The following DNAH11 variants were observed in gnomAD, a reference collection of about 807,000 sequenced individuals.
DNAH11 encodes the protein dynein axonemal heavy chain 11.
A neutral mutation model predicts 526.0 loss-of-function variants in DNAH11; 442 were observed. The observed-to-expected ratio is 0.84, with a 90% confidence interval of 0.78 to 0.91. The LOEUF (loss-of-function observed/expected upper bound fraction) is 0.91, where lower values mean the gene tolerates loss of function less well. Ranked by LOEUF, DNAH11 falls within the 40% of genes least tolerant of loss-of-function variation. The pLI is 0.00. For synonymous variants in DNAH11, 2,461 were observed against 1,935.9 expected (o/e 1.27, Z -7.12); for missense variants, 6,989 against 5,448.7 (o/e 1.28, Z -8.90).
chr7:21,690,674 A>G, intron 34 of DNAH11, 91 bp from the exon 35 acceptor site: 2 of 900,798 alleles, frequency 2.2e-6, no homozygotes, highest in South Asian at 1.6e-5. Context: ...CAGCTTCCTA[A>G]TAATTTGCAT....
intron 35 of DNAH11, among the ~76,000 whole-genome samples, chr7:21,691,348 G>T (rs1018603213): frequency 6.6e-6 from 1 of 151,672 alleles, no homozygotes; most frequent in East Asian, 1.9e-4. Context: ...AAGGGCTAGG[G>T]CTGGGGTGGG....
chr7:21,763,795 CA>C (rs752336699), intron 54 of DNAH11, among the ~76,000 whole-genome samples: 14,504 of 72,096 alleles, frequency 0.2, 957 homozygotes, highest in Middle Eastern at 0.31. Flanking sequence ...GCTATATATA[CA>C]TATACATATA....
chr7:21,775,805 G>A (rs1335576334), intron 56 of DNAH11, among the ~76,000 whole-genome samples: 3 of 152,106 alleles, frequency 2.0e-5, no homozygotes, highest in Non-Finnish European at 4.4e-5. Flanking sequence ...AGACGAGGAA[G>A]GAGCTCTGTT....
At chr7:21,696,162 A>G (rs1359777547) in intron 35 of DNAH11, among the ~76,000 whole-genome samples, 4 of 152,192 alleles carry the variant, frequency 2.6e-5, no homozygotes, top group African/African-American at 4.8e-5. Context: ...CACTTCACAT[A>G]TAATCTAAGA....
intron 13 of DNAH11, 44 bp from the exon 14 acceptor site, chr7:21,591,141 C>G: frequency 6.6e-7 from 1 of 1,522,942 alleles, no homozygotes; most frequent in South Asian, 1.4e-5. Flanking sequence ...GAGAAAATAG[C>G]TAACATATTT....
In DNAH11 at chr7:21,650,929, C is replaced by G. The variant is rs191979599; in HGVS notation, c.4945-4903C>G. Among the ~76,000 whole-genome samples the G allele has an allele frequency of 5.9e-3, 877 of 148,956 alleles. 4 individuals are homozygous for G. Among genetic ancestry groups the G allele is most frequent in the Non-Finnish European group, 0.01 (698 of 67,632 alleles). On this transcript the variant is annotated intron_variant, in intron 28 of 81. Coordinates refer to ENST00000409508, the MANE Select transcript of DNAH11 (RefSeq NM_001277115.2). ...TGCTGGGATTATAGGCGTAAGCCAC[C>G]GTGCCGGGCCCAAAACTGTTATTTT...
chr7:21,816,827 GT>G, intron 64 of DNAH11, 125 bp downstream of exon 64: 2 of 755,810 alleles, frequency 2.6e-6, no homozygotes, highest in African/African-American at 1.8e-5. Flanking sequence ...GGTGCTATTT[GT>G]TTATCTGCCT....
At chr7:21,643,527 G>A (rs73682662) in intron 28 of DNAH11, among the ~76,000 whole-genome samples, 2,488 of 152,296 alleles carry the variant, frequency 0.016, 65 homozygotes, top group African/African-American at 0.056. Context: ...TCATGGGGTA[G>A]CTGTGATTCT....
At chr7:21,588,701 G>C in intron 11 of DNAH11, 65 bp downstream of exon 11, 2 of 1,562,124 alleles carry the variant, frequency 1.3e-6, no homozygotes, top group Non-Finnish European at 1.8e-6. Flanking sequence ...TTATATAAGA[G>C]AGTGAGCTGT....
intron 61 of DNAH11, among the ~76,000 whole-genome samples, chr7:21,799,179 A>G (rs1788851004): frequency 6.6e-6 from 1 of 152,184 alleles, no homozygotes; most frequent in South Asian, 2.1e-4. Context: ...AGAGAAGGTA[A>G]ATAAATAGCC....
At chr7:21,652,431 G>T (rs571164284) in intron 28 of DNAH11, among the ~76,000 whole-genome samples, 1 of 152,306 alleles carries the variant, frequency 6.6e-6, no homozygotes, top group South Asian at 2.1e-4. Context: ...TGCTCGTTCT[G>T]TACCTTAAGT....
chr7:21,765,630 A>T (rs772717935), intron 55 of DNAH11, 41 bp downstream of exon 55: 12 of 1,193,822 alleles, frequency 1.0e-5, no homozygotes, highest in East Asian at 1.1e-4. Context: ...ACACACACAC[A>T]CACACACACA....
intron 65 of DNAH11, among the ~76,000 whole-genome samples, chr7:21,835,223 C>CAAAAAAAAAAA (rs201863939): frequency 1.1e-5 from 1 of 87,566 alleles, no homozygotes; most frequent in Non-Finnish European, 2.4e-5. Context: ...CAGACTATTC[C>CAAAAAAAAAAA]AAAAAAAAAA....
At chr7:21,886,301 A>G (rs1393088998) in intron 76 of DNAH11, among the ~76,000 whole-genome samples, 1 of 152,156 alleles carries the variant, frequency 6.6e-6, no homozygotes, top group Non-Finnish European at 1.5e-5. Context: ...TATTTAGTCT[A>G]TTTTAGACTA....
chr7:21,869,599 C>T (rs893591608), intron 73 of DNAH11, among the ~76,000 whole-genome samples: 1 of 152,186 alleles, frequency 6.6e-6, no homozygotes, highest in African/African-American at 2.4e-5. Flanking sequence ...AGGCCAGGCT[C>T]CTCCCCGCTG....
intron 22 of DNAH11, among the ~76,000 whole-genome samples, 171 bp from the exon 23 acceptor site, chr7:21,617,448 A>T (rs1338627754): frequency 3.3e-5 from 5 of 152,200 alleles, no homozygotes; most frequent in Admixed American, 1.3e-4. Flanking sequence ...GTAATGTACA[A>T]ATGAGTGGAT....
intron 54 of DNAH11, among the ~76,000 whole-genome samples, chr7:21,755,645 G>C (rs10156026): frequency 0.82 from 124,477 of 152,126 alleles, 51,738 homozygotes; most frequent in Non-Finnish European, 0.89. Context: ...ATATTGGTAT[G>C]TTTCCTCTCA....
At chr7:21,635,408 G>A (rs899624881) in intron 25 of DNAH11, among the ~76,000 whole-genome samples, 3 of 152,032 alleles carry the variant, frequency 2.0e-5, no homozygotes, top group Non-Finnish European at 2.9e-5. Flanking sequence ...CGCCCACCTC[G>A]GCCTCCCAAA....
At chr7:21,692,237 G>C (rs770556794) in intron 35 of DNAH11, among the ~76,000 whole-genome samples, 2 of 152,116 alleles carry the variant, frequency 1.3e-5, no homozygotes, top group Non-Finnish European at 2.9e-5. Flanking sequence ...AAAACATTCA[G>C]GTATAATTTA....
Sources: allele counts gnomAD v4.1 joint callset (sites outside exome capture counted in the v4.1 genomes callset), GRCh38; gene constraint gnomAD v4.1.1; transcripts MANE v1.5; gene names NCBI Gene and HGNC (gene_info 2026-07-23, HGNC 2026-07-21).